CALCOCO2: variants seen among roughly 807,000 people sequenced by gnomAD.
CALCOCO2 encodes calcium-binding and coiled-coil domain-containing protein 2.
A neutral mutation model predicts 62.5 loss-of-function variants in CALCOCO2; 42 were observed. The observed-to-expected ratio is 0.67, with a 90% CI of 0.53 to 0.87. The LOEUF (loss-of-function observed/expected upper bound fraction) is 0.87. CALCOCO2 is among the 40% of genes least tolerant of loss of function. The pLI is 0.00. For missense variants in CALCOCO2, 456 were observed against 515.0 expected (o/e 0.89, Z 1.11); for synonymous variants, 167 against 173.0 (o/e 0.97, Z 0.27).
At chr17:48,836,956 T>A (rs920729481) in intron 1 of CALCOCO2, among the ~76,000 whole-genome samples, 1 of 152,116 alleles carries the variant, frequency 6.6e-6, no homozygotes, top group African/African-American at 2.4e-5. Flanking sequence ...AAATGGGGTT[T>A]CACCATGTTA....
At position 48,860,346 on chromosome 17, in the gene CALCOCO2, T is replaced by G; in HGVS notation, c.1041T>G (p.Ser347Arg). Residue 347 changes from serine (S) to arginine (R), a missense_variant, in exon 11 of 13, where the codon AGT becomes AGG. Around this residue, in one of 3 missense-constraint regions of CALCOCO2, gnomAD observed 172 missense variants for 210.3 expected, o/e 0.82. Transcript: ENST00000258947. ...LLKRENSRLL[S>R]YMGLDFNSLP... ...AGAGGGAGAACAGCAGATTGCTCAGTTACATGGGTCTGGATTTTAATTCTT... is the reference window on the plus strand; with the variant it reads ...AGAGGGAGAACAGCAGATTGCTCAGGTACATGGGTCTGGATTTTAATTCTT... 6.2e-7 allele frequency: 1 copy of G among 1,613,694 alleles called. No homozygotes were observed. Among genetic ancestry groups the G allele is most frequent in the Non-Finnish European group, 8.5e-7 (1 of 1,179,608 alleles).
intron 4 of CALCOCO2, 60 bp from the exon 5 acceptor site, chr17:48,849,192 C>T (rs1215782671): frequency 2.3e-5 from 36 of 1,558,668 alleles, no homozygotes; most frequent in Non-Finnish European, 3.5e-6. Context: ...ACCATCCTAA[C>T]CTATGGGAAT....
chr17:48,845,357 T>TA (rs1219529751), intron 2 of CALCOCO2, among the ~76,000 whole-genome samples: 3 of 141,256 alleles, frequency 2.1e-5, no homozygotes, highest in African/African-American at 7.9e-5. Flanking sequence ...GTGTATTGCC[T>TA]AATTAAATCC....
At position 48,852,907 on chromosome 17, in the gene CALCOCO2, G is replaced by A. The variant is rs765125596; in HGVS notation, c.826-19G>A. 6.3e-7 allele frequency: 1 copy of A among 1,593,050 alleles called. No individual in the cohort carries two copies. The highest frequency in any genetic ancestry group is 8.6e-7 in the Non-Finnish European group (1 of 1,160,906). On this transcript the variant is annotated intron_variant, in intron 8 of 12. Coordinates refer to ENST00000258947, the MANE Select transcript of CALCOCO2 (RefSeq NM_005831.5). ...TGTGTGTTTTCCCAGCAATGGTACT[G>A]AAATCTCTTTTTGTGCAGAGGAAGG...
intron 10 of CALCOCO2, among the ~76,000 whole-genome samples, chr17:48,858,050 AGAATAGAATAGAATAGAATAG>A: frequency 7.1e-6 from 1 of 140,034 alleles, no homozygotes; most frequent in Non-Finnish European, 1.6e-5. Context: ...AATAGAAAAT[AGAATAGAATAGAATAGAATAG>A]AATTTTACCA....
intron 10 of CALCOCO2, among the ~76,000 whole-genome samples, chr17:48,857,142 A>C (rs2040227925): frequency 6.7e-6 from 1 of 149,662 alleles, no homozygotes; most frequent in Non-Finnish European, 1.5e-5. Context: ...ATAGGTGTCC[A>C]TGCATTCTGG....
intron 2 of CALCOCO2, among the ~76,000 whole-genome samples, chr17:48,847,479 A>T (rs2040067864): frequency 6.6e-6 from 1 of 152,138 alleles, no homozygotes; most frequent in African/African-American, 2.4e-5. Flanking sequence ...GTGAGGAGCT[A>T]GTTTTCAAAT....
chr17:48,856,226 A>AT, intron 10 of CALCOCO2, 39 bp downstream of exon 10: 2 of 1,183,228 alleles, frequency 1.7e-6, no homozygotes, highest in Non-Finnish European at 1.3e-6. Flanking sequence ...CCAAGGTTTT[A>AT]AGGGGAAGGA....
rs1488916566 is a variant in CALCOCO2, at chr17:48,863,380, G to A, written c.*375G>A. 3.8e-6 allele frequency: 1 copy of A among 259,986 alleles called. No individual in the cohort carries two copies. Among genetic ancestry groups the A allele is most frequent in the Non-Finnish European group, 7.7e-6 (1 of 130,378 alleles). The allele number at this position is 259,986 out of a possible 1,614,324, so 16.1% of individuals were successfully genotyped here. ...TGCCATTCAAAGTCAGCCCTTGAGT[G>A]TATTTGTTCTCAGTCCTAACCCTGG... On this transcript the variant is annotated 3_prime_UTR_variant, in exon 13 of 13. Coordinates refer to ENST00000258947, the MANE Select transcript of CALCOCO2 (RefSeq NM_005831.5).
Position 48,860,386 on chromosome 17 carries a change from C to T in CALCOCO2, c.1081C>T (p.Pro361Ser). ...LDFNSLPYQV[P>S]TSDEGGARQN... is the part of the protein sequence containing the mutation. ...TTTTAATTCTTTGCCGTATCAAGTA[C>T]CTACTTCAGATGAAGGAGGCGCAAG... Residue 361 changes from proline (P) to serine (S), a missense_variant, in exon 11 of 13, where the codon CCT becomes TCT. Physicochemically the swap from Pro to Ser is moderately conservative, Grantham distance 74. Transcript: ENST00000258947. 1 of 1,613,522 alleles carries T rather than the reference C, an allele frequency of 6.2e-7. No individual in the cohort carries two copies. The highest frequency in any genetic ancestry group is 1.7e-5 in the Admixed American group (1 of 60,012).
intron 5 of CALCOCO2, among the ~76,000 whole-genome samples, chr17:48,850,628 G>A (rs2040115404): frequency 6.6e-6 from 1 of 152,096 alleles, no homozygotes; most frequent in African/African-American, 2.4e-5. Flanking sequence ...TGTCTATTTT[G>A]TCCACTGTTG....
At chr17:48,837,270 C>A (rs1273737609) in intron 1 of CALCOCO2, among the ~76,000 whole-genome samples, 2 of 152,116 alleles carry the variant, frequency 1.3e-5, no homozygotes, top group East Asian at 1.9e-4. Context: ...CCAAGAGAAA[C>A]CCTCATTGTA....
In CALCOCO2 at chr17:48,863,459, C is replaced by T. The variant is rs566366066; in HGVS notation, c.*454C>T. 50 of 166,186 alleles carry T rather than the reference C, an allele frequency of 3.0e-4. 1 individual carries two copies. In the South Asian group the frequency reaches 6.3e-3, roughly 21 times the overall value. 10.3% of individuals were successfully genotyped at this position (166,186 alleles called of 1,614,324 possible). A position where few individuals can be genotyped will look rare whatever the true frequency, so the allele number is the denominator to read the frequency against. The stretch of plus-strand genomic sequence containing the variant: ...TCCTTCCTCCTCATCCTTGGTGTTG[C>T]TTTCTCCAAATGATTGTTTTAGACT... On this transcript the variant is annotated 3_prime_UTR_variant, in exon 13 of 13. Transcript: ENST00000258947.
chr17:48,832,239 CA>C (rs762426374), intron 1 of CALCOCO2, among the ~76,000 whole-genome samples: 27 of 152,132 alleles, frequency 1.8e-4, no homozygotes, highest in Non-Finnish European at 3.5e-4. Flanking sequence ...ACTAAAAATA[CA>C]AAAATTAGTG....
chr17:48,849,354 C>T lies in CALCOCO2; in HGVS notation c.520C>T (p.Gln174Ter). Residue 174 changes from glutamine to a stop codon, truncating the protein, a stop_gained, in exon 5 of 13, where the codon CAG (glutamine) becomes TAG (stop). Transcript: ENST00000258947. LOFTEE classifies it high-confidence loss of function. ...CCTCCAGAAGCAGAACTCAGACATG[C>T]AGGCTGAGCTCCAAAAGAAGCAGGT... ...ISLQKQNSDM[Q>*]AELQKKQEEL... The T allele has an allele frequency of 6.2e-7, 1 of 1,613,314 alleles. No homozygotes were observed.
Position 48,848,320 on chromosome 17 carries a change from A to G in CALCOCO2, c.284-2A>G. On this transcript the variant is annotated splice_acceptor_variant, in intron 3 of 12. Transcript: ENST00000258947. LOFTEE classifies it high-confidence loss of function. ...GGATGAAAAATTATGTTGTGTTTTC[A>G]GCTTACTACCTGCCCAAGGATGATG... The G allele has an allele frequency of 6.2e-7, 1 of 1,612,180 alleles. No individual in the cohort carries two copies. Among genetic ancestry groups the G allele is most frequent in the South Asian group, 1.1e-5 (1 of 90,772 alleles).
At chr17:48,848,987 G>T (rs149264526) in intron 4 of CALCOCO2, among the ~76,000 whole-genome samples, 1 of 152,200 alleles carries the variant, frequency 6.6e-6, no homozygotes, top group Non-Finnish European at 1.5e-5. Flanking sequence ...AATACTAAGC[G>T]TCTGCAAGAA....
intron 2 of CALCOCO2, among the ~76,000 whole-genome samples, chr17:48,846,811 T>G (rs567161658): frequency 6.6e-6 from 1 of 152,348 alleles, no homozygotes; most frequent in South Asian, 2.1e-4. Context: ...GTTCTCTTCT[T>G]ACTGAGCTCA....
At chr17:48,849,138 A>T (rs1246308855) in intron 4 of CALCOCO2, 114 bp from the exon 5 acceptor site, 13 of 919,962 alleles carry the variant, frequency 1.4e-5, no homozygotes, top group Non-Finnish European at 2.3e-5. Context: ...CCCATCTGGG[A>T]TACATAGGTG....
Sources: allele counts gnomAD v4.1 joint callset (sites outside exome capture counted in the v4.1 genomes callset), GRCh38; gene constraint gnomAD v4.1.1; regional missense constraint gnomAD v4.1.1; transcripts MANE v1.5; gene names NCBI Gene and HGNC (gene_info 2026-07-23, HGNC 2026-07-21).